SLC7A14: variants seen among roughly 807,000 people sequenced by gnomAD.
SLC7A14 encodes the protein solute carrier family 7 member 14.
SLC7A14 carries 37 observed loss-of-function variants against 60.2 expected under a neutral mutation model. That is an observed-to-expected ratio of 0.61 (90% confidence interval 0.47 to 0.81). The LOEUF is 0.81. Ranked by LOEUF, SLC7A14 falls within the 30% of genes least tolerant of loss-of-function variation. The probability of loss-of-function intolerance (pLI) is 0.00; values close to 1 mark genes in which losing one functional copy is unlikely to be tolerated. For synonymous variants in SLC7A14, 399 were observed against 395.8 expected, an observed-to-expected ratio of 1.01 and a Z score of -0.10; for missense variants, 886 against 982.7, an observed-to-expected ratio of 0.90 and a Z score of 1.32.
intron 2 of SLC7A14, among the ~76,000 whole-genome samples, chr3:170,520,712 G>A (rs1713316680): frequency 6.6e-6 from 1 of 152,208 alleles, no homozygotes; most frequent in Admixed American, 6.5e-5. Flanking sequence ...TATAGACAGT[G>A]TATGAACTTA....
intron 2 of SLC7A14, 110 bp from the exon 3 acceptor site, chr3:170,501,455 A>G: frequency 1.1e-6 from 1 of 880,112 alleles, no homozygotes; most frequent in East Asian, 2.6e-5. Flanking sequence ...CTCAGAACAA[A>G]TACACAAAGT....
In SLC7A14 at chr3:170,562,610, T is replaced by A. The variant is rs1236481835; in HGVS notation, c.-153+23301A>T. Among the ~76,000 whole-genome samples the A allele has an allele frequency of 2.0e-5, 3 of 152,108 alleles. No individual in the cohort carries two copies. The East Asian group carries it at 5.8e-4, about 29-fold the overall frequency. ...ACTAAAGAACTTACTTGTGTACTCATACCACCTGTTCCCCAAAAACCTATG... is the reference window on the plus strand; with the variant it reads ...ACTAAAGAACTTACTTGTGTACTCAAACCACCTGTTCCCCAAAAACCTATG... On this transcript the variant is annotated intron_variant, in intron 1 of 7. Transcript: ENST00000231706.
In SLC7A14 at chr3:170,483,361, C is replaced by A. The variant is rs758020483; in HGVS notation, c.1068G>T (p.Pro356=). The part of the protein sequence containing the change: ...LTVSLLGSLF[P]MPRVIYAMAG... ...CCATGGCATAAATGACCCTCGGCAT[C>A]GGGAAGAGGGACCCCAGCAAGCTGA... is the stretch of plus-strand genomic sequence containing the variant. Residue 356 remains proline, a synonymous_variant, in exon 6 of 8, where the codon CCG becomes CCT. Transcript: ENST00000231706. The A allele has an allele frequency of 3.1e-6, 5 of 1,614,146 alleles. No homozygotes were observed. In the South Asian group the frequency reaches 5.5e-5, roughly 18 times the overall value.
intron 1 of SLC7A14, among the ~76,000 whole-genome samples, chr3:170,554,726 C>G (rs570472963): frequency 4.9e-4 from 74 of 152,312 alleles, no homozygotes; most frequent in Non-Finnish European, 9.0e-4. Flanking sequence ...TGCTCAGGAG[C>G]CTTCAACAAC....
intron 1 of SLC7A14, among the ~76,000 whole-genome samples, chr3:170,543,597 C>T (rs1258055765): frequency 6.6e-6 from 1 of 151,618 alleles, no homozygotes; most frequent in African/African-American, 2.4e-5. Context: ...GAGCCGAGAT[C>T]GCCCCATTGC....
At chr3:170,481,191 G>A (rs752622598) in intron 6 of SLC7A14, 25 bp from the exon 7 acceptor site, 4 of 1,601,000 alleles carry the variant, frequency 2.5e-6, no homozygotes, top group South Asian at 2.3e-5. Flanking sequence ...CAAGCAGAGG[G>A]TTAATGGTGA....
chr3:170,510,802 T>A (rs912974051), intron 2 of SLC7A14, among the ~76,000 whole-genome samples: 4 of 152,128 alleles, frequency 2.6e-5, no homozygotes, highest in African/African-American at 7.2e-5. Flanking sequence ...TGGCTTCAGG[T>A]TATCATCAAA....
rs950195850 is a variant in SLC7A14, at chr3:170,466,007, A to G, written c.*1048T>C. ...AGGTTCAGAAGTGAAATGTGATCTC[A>G]TGGAATGCAACTACCTAAGTCGCTA... On this transcript the variant is annotated 3_prime_UTR_variant, in exon 8 of 8. Transcript: ENST00000231706. 6.6e-6 allele frequency: 1 copy of G among 152,176 alleles called. No homozygotes were observed. Among genetic ancestry groups the G allele is most frequent in the East Asian group, 1.9e-4 (1 of 5,186 alleles). The allele number at this position is 152,176 out of a possible 1,614,324, so 9.4% of individuals were successfully genotyped here.
intron 3 of SLC7A14, among the ~76,000 whole-genome samples, chr3:170,500,428 G>T (rs1712566806): frequency 9.1e-6 from 1 of 109,646 alleles, no homozygotes; most frequent in Non-Finnish European, 1.7e-5. Context: ...AACAGAGCAA[G>T]ACTCTGTCTC....
intron 2 of SLC7A14, among the ~76,000 whole-genome samples, chr3:170,506,152 A>T (rs1367529792): frequency 6.6e-6 from 1 of 152,254 alleles, no homozygotes; most frequent in Admixed American, 6.5e-5. Flanking sequence ...TGCATGCTGC[A>T]GACCACATGA....
rs1030163866 is a variant in SLC7A14 at position 170,483,240 on chromosome 3, T to C, written c.1115+74A>G. On this transcript the variant is annotated intron_variant, in intron 6 of 7. Transcript: ENST00000231706. ...GCACTGATGTCAAAATCACAGTCAG[T>C]CTGACAGTGGGTAGACATTCTCCCT... The C allele has an allele frequency of 2.0e-5, 30 of 1,523,842 alleles. No individual in the cohort carries two copies. The Admixed American group carries it at 3.5e-4, about 18-fold the overall frequency. The allele number at this position is 1,523,842 out of a possible 1,614,324, so 94.4% of individuals were successfully genotyped here.
At chr3:170,524,501 G>T (rs1036638209) in intron 2 of SLC7A14, among the ~76,000 whole-genome samples, 4 of 75,014 alleles carry the variant, frequency 5.3e-5, no homozygotes, top group African/African-American at 9.7e-5. Flanking sequence ...TGGTCTGGGA[G>T]ACTGGGTCAA....
chr3:170,492,863 A>G (rs1712264741), intron 4 of SLC7A14, among the ~76,000 whole-genome samples: 1 of 152,196 alleles, frequency 6.6e-6, no homozygotes, highest in African/African-American at 2.4e-5. Flanking sequence ...CTAGGCAACA[A>G]AATTCCAACT....
chr3:170,486,363 C>A lies in SLC7A14; in HGVS notation c.765G>T (p.Leu255=), dbSNP rs778989284. ...QFLPHGWSGV[L]QGAATCFYAF... ...CGTAGAAGCATGTTGCTGCTCCTTG[C>A]AGCACCTGTGTGGATGATGGCATTT... Residue 255 remains leucine, a synonymous_variant, in exon 5 of 8, where the codon CTG becomes CTT. Coordinates refer to ENST00000231706, the MANE Select transcript of SLC7A14 (RefSeq NM_020949.3). 2.5e-6 allele frequency: 4 copies of A among 1,614,214 alleles called. 1 individual carries two copies. The South Asian group carries it at 3.3e-5, about 13-fold the overall frequency.
rs746620603 is a variant in SLC7A14, at chr3:170,526,894, A to T, written c.43T>A (p.Trp15Arg). 1 of 1,613,614 alleles carries T rather than the reference A, an allele frequency of 6.2e-7. No individual in the cohort carries two copies. Among genetic ancestry groups the T allele is most frequent in the Admixed American group, 1.7e-5 (1 of 59,948 alleles). Residue 15 changes from tryptophan (W) to arginine (R), a missense_variant, in exon 2 of 8, where the codon TGG becomes AGG. Trp to Arg is a moderately radical substitution (Grantham distance 101). Transcript: ENST00000231706. Reference protein sequence around the residue: ...FTSLDPRRVQWGAAWYAMHSR... With the variant: ...FTSLDPRRVQRGAAWYAMHSR... ...TGCATTGCATACCAGGCAGCTCCCC[A>T]CTGCACCCGCCGGGGGTCCAGCGAG...
chr3:170,481,322 C>T (rs1377841083), intron 6 of SLC7A14, among the ~76,000 whole-genome samples, 156 bp from the exon 7 acceptor site: 1 of 151,960 alleles, frequency 6.6e-6, no homozygotes, highest in Non-Finnish European at 1.5e-5. Flanking sequence ...ACTTTAAATC[C>T]AGCTGCTATT....
At chr3:170,566,070 T>G (rs982986463) in intron 1 of SLC7A14, among the ~76,000 whole-genome samples, 15 of 152,162 alleles carry the variant, frequency 9.9e-5, no homozygotes, top group Non-Finnish European at 2.2e-4. Context: ...CCCTTCTGTC[T>G]TATAGAAGAG....
intron 2 of SLC7A14, among the ~76,000 whole-genome samples, chr3:170,505,478 C>T (rs559940453): frequency 1.9e-4 from 29 of 152,192 alleles, no homozygotes; most frequent in African/African-American, 6.3e-4. Flanking sequence ...AAATCAAGTG[C>T]GTAGGAAGGT....
At chr3:170,484,924 A>C (rs763510331) in intron 5 of SLC7A14, among the ~76,000 whole-genome samples, 48 of 152,070 alleles carry the variant, frequency 3.2e-4, no homozygotes, top group South Asian at 4.1e-4. Flanking sequence ...ATGGGTAAAA[A>C]GTTGGTGGAT....
Sources: allele counts gnomAD v4.1 joint callset (sites outside exome capture counted in the v4.1 genomes callset), GRCh38; gene constraint gnomAD v4.1.1; transcripts MANE v1.5; gene names NCBI Gene and HGNC (gene_info 2026-07-23, HGNC 2026-07-21).